The following OPRM1 variants were observed in gnomAD, a reference collection of about 807,000 sequenced individuals.
The protein encoded by OPRM1 is mu-type opioid receptor.
In OPRM1, 27 loss-of-function variants were observed where a neutral mutation model predicts 31.8. The observed-to-expected ratio is 0.85, with a 90% CI of 0.63 to 1.17. The LOEUF (loss-of-function observed/expected upper bound fraction) is 1.17. Among genes scored for constraint, OPRM1 ranks in the 50% most tolerant of loss-of-function variants. OPRM1 has a pLI of 0.00. For missense variants in OPRM1, 536 were observed against 511.1 expected, an observed-to-expected ratio of 1.05 and a Z score of -0.47; for synonymous variants, 196 against 189.9, an observed-to-expected ratio of 1.03 and a Z score of -0.26.
At chr6:154,037,007 A>T (rs555693519), upstream of OPRM1, among the ~76,000 whole-genome samples, 21 of 152,140 alleles carry the variant, frequency 1.4e-4, no homozygotes, top group African/African-American at 4.3e-4. Context: ...AAAAATGCAT[A>T]CAAAAGATGA....
chr6:154,096,329 A>T (rs1793378709), intron 3 of OPRM1, among the ~76,000 whole-genome samples: 1 of 152,118 alleles, frequency 6.6e-6, no homozygotes, highest in Admixed American at 6.5e-5. Flanking sequence ...CAAAGTGCTG[A>T]GATTCCAGAC....
chr6:154,101,483 C>A (rs1794823493), intron 3 of OPRM1, among the ~76,000 whole-genome samples: 1 of 152,160 alleles, frequency 6.6e-6, no homozygotes, highest in Non-Finnish European at 1.5e-5. Flanking sequence ...ACTATAATAA[C>A]TGAATTTCTT....
intron 3 of OPRM1, among the ~76,000 whole-genome samples, chr6:154,111,922 C>G (rs1244156323): frequency 6.6e-6 from 1 of 152,052 alleles, no homozygotes; most frequent in Non-Finnish European, 1.5e-5. Context: ...CCTGCCACCA[C>G]GCCCAGCTAA....
At chr6:154,231,626 G>A (rs12203053) in intron 3 of OPRM1, among the ~76,000 whole-genome samples, 13,138 of 152,236 alleles carry the variant, frequency 0.086, 984 homozygotes, top group East Asian at 0.42. Context: ...TATATTTAAT[G>A]TGCTAATTTT....
At chr6:154,189,737 G>A (rs1159357782) in intron 3 of OPRM1, among the ~76,000 whole-genome samples, 1 of 152,124 alleles carries the variant, frequency 6.6e-6, no homozygotes, top group Admixed American at 6.6e-5. Flanking sequence ...GGGAGGCCGA[G>A]GTGGGTGGAT....
At position 154,091,053 on chromosome 6, in the gene OPRM1, A is replaced by G. The variant is rs775764440; in HGVS notation, c.745A>G (p.Ile249Val). ...FIFAFIMPVL[I>V]ITVCYGLMIL... ...CTTCGCCTTCATTATGCCAGTGCTC[A>G]TCATTACCGTGTGCTATGGACTGAT... Residue 249 changes from isoleucine (I) to valine (V), a missense_variant, in exon 3 of 4, where the codon ATC becomes GTC. Coordinates refer to ENST00000330432, the MANE Select transcript of OPRM1 (RefSeq NM_000914.5). The G allele has an allele frequency of 1.2e-6, 2 of 1,614,198 alleles. No individual in the cohort carries two copies. Among genetic ancestry groups the G allele is most frequent in the African/African-American group, 1.3e-5 (1 of 75,048 alleles).
intron 1 of OPRM1, among the ~76,000 whole-genome samples, chr6:154,014,582 T>TAA (rs111498837): frequency 6.1e-5 from 9 of 148,726 alleles, no homozygotes; most frequent in African/African-American, 1.7e-4. Context: ...TGAATTTAGA[T>TAA]AAAAAAAAAA....
chr6:154,222,955 G>A (rs572414202), intron 3 of OPRM1: 31 of 583,392 alleles, frequency 5.3e-5, no homozygotes, highest in African/African-American at 3.7e-4. Flanking sequence ...ACTTCGTGGG[G>A]GTTTTAAAAT....
chr6:154,094,059 G>T (rs1792905970), intron 3 of OPRM1: 1 of 405,326 alleles, frequency 2.5e-6, no homozygotes, highest in Non-Finnish European at 4.7e-6. Flanking sequence ...AAGCTAATAG[G>T]ATTTGCATTT....
At chr6:154,083,535 A>C (rs1789656187) in intron 1 of OPRM1, 1 of 146,132 alleles carries the variant, frequency 6.8e-6, no homozygotes, top group Admixed American at 6.7e-5. Context: ...GCTCTGTCTG[A>C]AAGATACTCA....
At chr6:154,081,231 C>T (rs1271732218) in intron 1 of OPRM1, among the ~76,000 whole-genome samples, 2 of 152,156 alleles carry the variant, frequency 1.3e-5, no homozygotes, top group African/African-American at 4.8e-5. Flanking sequence ...GGGCCTGGCG[C>T]GGTGGCTCAC....
chr6:154,071,652 A>T (rs1451400102), intron 1 of OPRM1, among the ~76,000 whole-genome samples: 1 of 152,256 alleles, frequency 6.6e-6, no homozygotes, highest in African/African-American at 2.4e-5. Context: ...GATTCAAAGA[A>T]ACAAAGGTCT....
At chr6:154,092,908 T>A (rs1792609527) in intron 3 of OPRM1, among the ~76,000 whole-genome samples, 1 of 152,240 alleles carries the variant, frequency 6.6e-6, no homozygotes, top group Admixed American at 6.5e-5. Context: ...CAGAAATGAA[T>A]GCCAGAAAGA....
rs964438065 is a variant in OPRM1 at position 154,033,747 on chromosome 6, A to G, written c.1-5414A>G. On this transcript the variant is annotated intron_variant, in intron 1 of 5. Transcript: ENST00000434900. ...AGAAAGAAGCTGAGACATTTTTATG[A>G]TGACCTAAATCAGTGCTTCTGAAAG... 2.0e-5 allele frequency among the ~76,000 whole-genome samples: 3 copies of G among 152,242 alleles called. No individual in the cohort carries two copies. In the East Asian group the frequency reaches 5.8e-4, roughly 29 times the overall value.
At chr6:154,213,912 T>C (rs1249638306) in intron 3 of OPRM1, among the ~76,000 whole-genome samples, 1 of 152,154 alleles carries the variant, frequency 6.6e-6, no homozygotes, top group African/African-American at 2.4e-5. Context: ...TGTCTATCAG[T>C]AAGAATTCCA....
chr6:154,246,678 C>T (rs770422520), intron 3 of OPRM1: 8 of 1,614,064 alleles, frequency 5.0e-6, no homozygotes, highest in Non-Finnish European at 6.8e-6. Flanking sequence ...TTCCCTTTTC[C>T]TTTTTCTTAT....
intron 3 of OPRM1, among the ~76,000 whole-genome samples, chr6:154,148,767 G>T (rs928160242): frequency 6.6e-6 from 1 of 152,160 alleles, no homozygotes; most frequent in Non-Finnish European, 1.5e-5. Context: ...CCCGTGGAAG[G>T]CTTTCCATTC....
At chr6:154,223,782 CATT>C (rs1357704779) in intron 3 of OPRM1, among the ~76,000 whole-genome samples, 1 of 152,222 alleles carries the variant, frequency 6.6e-6, no homozygotes, top group East Asian at 1.9e-4. Flanking sequence ...ACTCAACAAA[CATT>C]ATTTCCTCTC....
chr6:154,148,720 C>T (rs1441575822), intron 3 of OPRM1, among the ~76,000 whole-genome samples: 1 of 152,238 alleles, frequency 6.6e-6, no homozygotes, highest in East Asian at 1.9e-4. Flanking sequence ...TATCTCCACA[C>T]AACATGGATG....
Sources: allele counts gnomAD v4.1 joint callset (sites outside exome capture counted in the v4.1 genomes callset), GRCh38; gene constraint gnomAD v4.1.1; transcripts MANE v1.5; gene names NCBI Gene and HGNC (gene_info 2026-07-23, HGNC 2026-07-21).